Variants in CERKL observed in about 807,000 individuals in gnomAD.
The protein encoded by CERKL is CERK like autophagy regulator, also known as ceramide kinase-like protein.
A neutral mutation model predicts 63.4 loss-of-function variants in CERKL; 61 were observed. The observed-to-expected ratio is 0.96, with a 90% CI of 0.78 to 1.19. The LOEUF (loss-of-function observed/expected upper bound fraction) is 1.19. Among genes scored for constraint, CERKL ranks in the 50% most tolerant of loss-of-function variants. The pLI is 0.00. For missense variants in CERKL, 675 were observed against 655.5 expected (o/e 1.03, Z -0.33); for synonymous variants, 250 against 230.5 (o/e 1.08, Z -0.77).
At chr2:181,642,853 C>T (rs982301558) in intron 1 of CERKL, among the ~76,000 whole-genome samples, 26 of 152,138 alleles carry the variant, frequency 1.7e-4, no homozygotes, top group African/African-American at 6.3e-4. Context: ...ATGAGCTAGT[C>T]CTTTTGTCCA....
At chr2:181,619,442 T>C (rs1282699190) in intron 1 of CERKL, among the ~76,000 whole-genome samples, 4 of 152,166 alleles carry the variant, frequency 2.6e-5, no homozygotes, top group African/African-American at 7.2e-5. Flanking sequence ...ATTATGGTAA[T>C]TGGCCCTTTC....
At chr2:181,551,660 G>T (rs572760217) in intron 5 of CERKL, among the ~76,000 whole-genome samples, 1 of 152,232 alleles carries the variant, frequency 6.6e-6, no homozygotes, top group East Asian at 1.9e-4. Flanking sequence ...ATAGATGCTG[G>T]TAAGGCTGTG....
intron 2 of CERKL, among the ~76,000 whole-genome samples, chr2:181,588,104 C>T (rs1335293336): frequency 6.6e-6 from 1 of 152,100 alleles, no homozygotes; most frequent in Non-Finnish European, 1.5e-5. Context: ...ACATACTTAT[C>T]ATTTTGTGGT....
chr2:181,628,584 G>A (rs1361459701), intron 1 of CERKL, among the ~76,000 whole-genome samples: 1 of 152,088 alleles, frequency 6.6e-6, no homozygotes, highest in Non-Finnish European at 1.5e-5. Context: ...TGGAATCCTG[G>A]AAACCTCTTC....
rs1220355971 is a variant in CERKL at position 181,537,379 on chromosome 2, T to C, written c.*805A>G. ...GATACAAGGGGAACACAATTACATATTGGGCTAGATTTTGCCCAGTTCAAA... is the reference window on the plus strand; with the variant it reads ...GATACAAGGGGAACACAATTACATACTGGGCTAGATTTTGCCCAGTTCAAA... On this transcript the variant is annotated 3_prime_UTR_variant, in exon 13 of 13. Coordinates refer to ENST00000410087, the MANE Select transcript of CERKL (RefSeq NM_201548.5). The C allele has an allele frequency of 4.4e-6, 2 of 453,604 alleles. No individual in the cohort carries two copies. The highest frequency in any genetic ancestry group is 1.6e-5 in the South Asian group (1 of 64,464). 28.1% of individuals were successfully genotyped at this position (453,604 alleles called of 1,614,324 possible). A position where few individuals can be genotyped will look rare whatever the true frequency, so the allele number is the denominator to read the frequency against.
intron 2 of CERKL, among the ~76,000 whole-genome samples, chr2:181,576,572 A>G (rs1684228585): frequency 6.6e-6 from 1 of 152,210 alleles, no homozygotes. Context: ...TTTTGTAGAG[A>G]AAGAGGTGAA....
rs564213855 is a variant in CERKL at position 181,657,071 on chromosome 2, G to T, written c.-65C>A. Reference sequence around the variant, plus strand: ...AGGCCTTTGGAGAAGGAGGTGGAGGGCGCGGCAGCCCCAGCTCTAGCCGCG... The same window carrying T: ...AGGCCTTTGGAGAAGGAGGTGGAGGTCGCGGCAGCCCCAGCTCTAGCCGCG... On this transcript the variant is annotated 5_prime_UTR_variant, in exon 1 of 13. Transcript: ENST00000410087. 2.8e-6 allele frequency: 4 copies of T among 1,414,894 alleles called. No homozygotes were observed. In the African/African-American group the frequency reaches 5.7e-5, roughly 20 times the overall value. 87.6% of individuals were successfully genotyped at this position (1,414,894 alleles called of 1,614,324 possible). A position where few individuals can be genotyped will look rare whatever the true frequency, so the allele number is the denominator to read the frequency against.
intron 5 of CERKL, among the ~76,000 whole-genome samples, chr2:181,551,707 A>G (rs1372434545): frequency 1.3e-5 from 2 of 152,090 alleles, no homozygotes; most frequent in Non-Finnish European, 2.9e-5. Flanking sequence ...TGGTGTAATG[A>G]GATATCTGGG....
chr2:181,644,464 T>C (rs1687583616), intron 1 of CERKL, among the ~76,000 whole-genome samples: 1 of 152,264 alleles, frequency 6.6e-6, no homozygotes, highest in Non-Finnish European at 1.5e-5. Context: ...CTGTAGTCAA[T>C]GAAAAAGATA....
At chr2:181,624,287 G>C (rs1686584946) in intron 1 of CERKL, among the ~76,000 whole-genome samples, 2 of 152,072 alleles carry the variant, frequency 1.3e-5, no homozygotes, top group African/African-American at 2.4e-5. Context: ...CAACACTTTG[G>C]GAGGCTGGCA....
rs200931610 is a variant in CERKL, at chr2:181,583,160, GA to G, written c.482-9277del. ...AAATAAAAACAAGGCCATTCATTTA[GA>G]AAAAAAAAAAAAGATTGAATTAGAA... On this transcript the variant is annotated intron_variant, in intron 2 of 12. Coordinates refer to ENST00000410087, the MANE Select transcript of CERKL (RefSeq NM_201548.5). Among the ~76,000 whole-genome samples, 1,078 of 128,288 alleles carry G rather than the reference GA, an allele frequency of 8.4e-3. 8 individuals are homozygous for G. Among genetic ancestry groups the G allele is most frequent in the African/African-American group, 0.025 (889 of 34,926 alleles). 84.2% of individuals were successfully genotyped at this position (128,288 alleles called of 152,430 possible). A position where few individuals can be genotyped will look rare whatever the true frequency, so the allele number is the denominator to read the frequency against.
intron 1 of CERKL, among the ~76,000 whole-genome samples, chr2:181,632,039 T>C (rs1001058771): frequency 2.0e-5 from 3 of 152,234 alleles, no homozygotes; most frequent in Non-Finnish European, 4.4e-5. Flanking sequence ...TTCTGAATAA[T>C]TTATTGCAAA....
intron 1 of CERKL, among the ~76,000 whole-genome samples, chr2:181,624,149 AT>A (rs1686578197): frequency 6.6e-6 from 1 of 152,148 alleles, no homozygotes; most frequent in African/African-American, 2.4e-5. Flanking sequence ...CAAGTAGCCC[AT>A]GTAGGGTAAT....
At chr2:181,630,453 C>T (rs1686908374) in intron 1 of CERKL, among the ~76,000 whole-genome samples, 1 of 152,154 alleles carries the variant, frequency 6.6e-6, no homozygotes, top group South Asian at 2.1e-4. Flanking sequence ...GCCCTAACCC[C>T]CAGTGTGACT....
intron 2 of CERKL, among the ~76,000 whole-genome samples, chr2:181,600,637 G>A (rs920808965): frequency 6.6e-6 from 1 of 152,074 alleles, no homozygotes; most frequent in African/African-American, 2.4e-5. Flanking sequence ...TATATAAAGG[G>A]TTCAATTCAA....
chr2:181,600,661 C>T (rs1351452290), intron 2 of CERKL, among the ~76,000 whole-genome samples: 1 of 152,148 alleles, frequency 6.6e-6, no homozygotes, highest in African/African-American at 2.4e-5. Context: ...GAAGATTTAA[C>T]TATCCTAAAT....
At chr2:181,650,096 AGGGAGGGAGGG>A in intron 1 of CERKL, 6 of 51,518 alleles carry the variant, frequency 1.2e-4, no homozygotes, top group Admixed American at 3.9e-4. Flanking sequence ...GGAGGGAGGG[AGGGAGGGAGGG>A]AGGGAGGAAG....
intron 5 of CERKL, among the ~76,000 whole-genome samples, chr2:181,549,915 A>G (rs1273957456): frequency 1.3e-5 from 2 of 152,230 alleles, no homozygotes; most frequent in African/African-American, 4.8e-5. Context: ...CATTTGTTCA[A>G]TATTTAAAAT....
Position 181,566,119 on chromosome 2 carries a change from T to A in CERKL, c.616A>T (p.Met206Leu). ...LAGIKTDVTI[M>L]EYEGHALSLL... The stretch of plus-strand genomic sequence containing the variant: ...GACAGAGCGTGCCCTTCATATTCCA[T>A]TACTATTAAAAAAACACACACACAT... The change falls in exon 4 of 13, where the codon ATG becomes TTG. Residue 206 changes from methionine (M) to leucine (L), a missense_variant and splice_region_variant. Met to Leu is a conservative substitution (Grantham distance 15, BLOSUM62 2). Transcript: ENST00000410087. 6.2e-7 allele frequency: 1 copy of A among 1,610,182 alleles called. No homozygotes were observed. Among genetic ancestry groups the A allele is most frequent in the Non-Finnish European group, 8.5e-7 (1 of 1,176,810 alleles).
Sources: gnomAD v4.1 joint callset for allele counts (sites outside exome capture counted in the v4.1 genomes callset) on GRCh38, gnomAD v4.1.1 for gene constraint, MANE v1.5 for transcripts, NCBI Gene and HGNC (gene_info 2026-07-23, HGNC 2026-07-21) for gene names.